CD48: variants seen among roughly 807,000 people sequenced by gnomAD.
The protein encoded by CD48 is CD48 antigen.
CD48 carries 20 observed loss-of-function variants against 22.0 expected under a neutral mutation model. The observed-to-expected ratio is 0.91, with a 90% CI of 0.64 to 1.32. The LOEUF (loss-of-function observed/expected upper bound fraction) is 1.32. Among genes scored for constraint, CD48 ranks in the 40% most tolerant of loss-of-function variants. The pLI is 0.00. For missense variants in CD48, 307 were observed against 286.5 expected (o/e 1.07, Z -0.52); for synonymous variants, 110 against 110.1 (o/e 1.00, Z 0.01).
intron 1 of CD48, among the ~76,000 whole-genome samples, chr1:160,709,487 C>T (rs868697985): frequency 6.6e-6 from 1 of 152,144 alleles, no homozygotes; most frequent in South Asian, 2.1e-4. Flanking sequence ...AGCATGGAAC[C>T]CAGATAGAAC....
chr1:160,688,217 C>T (rs1662071186), intron 1 of CD48, among the ~76,000 whole-genome samples: 1 of 152,140 alleles, frequency 6.6e-6, no homozygotes, highest in Admixed American at 6.5e-5. Flanking sequence ...AATGCCATTC[C>T]ATCAGTGGTG....
chr1:160,691,294 C>T (rs1662207778), intron 1 of CD48, among the ~76,000 whole-genome samples: 1 of 152,124 alleles, frequency 6.6e-6, no homozygotes, highest in Admixed American at 6.5e-5. Flanking sequence ...CCCGCCCATC[C>T]CTGGGCAATG....
At position 160,679,102 on chromosome 1, in the gene CD48, T is replaced by C. The variant is rs1661709330; in HGVS notation, c.682A>G (p.Ser228Gly). 6.2e-7 allele frequency: 1 copy of C among 1,614,018 alleles called. No homozygotes were observed. Among genetic ancestry groups the C allele is most frequent in the Non-Finnish European group, 8.5e-7 (1 of 1,180,018 alleles). The change falls in exon 4 of 4, where the codon AGT (serine) becomes GGT (glycine). Residue 228 changes from serine to glycine, a missense_variant. Coordinates refer to ENST00000368046, the MANE Select transcript of CD48 (RefSeq NM_001778.4). The stretch of plus-strand genomic sequence containing the variant: ...GTGGGCACCGTGACCACTAGCCAAC[T>C]TGCAATCCATTCTACTCCAAAGGAC... Reference protein sequence around the residue: ...ARSFGVEWIASWLVVTVPTIL... With the variant: ...ARSFGVEWIAGWLVVTVPTIL...
chr1:160,694,123 T>C (rs1180319789), intron 1 of CD48, among the ~76,000 whole-genome samples: 1 of 152,250 alleles, frequency 6.6e-6, no homozygotes, highest in Non-Finnish European at 1.5e-5. Flanking sequence ...ATTCAGACTA[T>C]AAAGGTGAAA....
intron 1 of CD48, among the ~76,000 whole-genome samples, chr1:160,694,839 G>A (rs12118377): frequency 0.28 from 42,236 of 149,444 alleles, 4,092 homozygotes; most frequent in Non-Finnish European, 0.36. Context: ...ATCAGTGGCC[G>A]CTACCAAAAC....
intron 1 of CD48, among the ~76,000 whole-genome samples, chr1:160,693,731 T>C (rs1662309746): frequency 7.0e-6 from 1 of 142,764 alleles, no homozygotes. Context: ...AAAGGGCTAG[T>C]CAATGTCGTT....
In CD48 at chr1:160,691,940, G is replaced by C. The variant is rs1662235499; in HGVS notation, c.83-6751C>G. 3 of 255,126 alleles carry C rather than the reference G, an allele frequency of 1.2e-5. No individual in the cohort carries two copies. The East Asian group carries it at 2.0e-4, about 17-fold the overall frequency. The allele number at this position is 255,126 out of a possible 1,614,324, so 15.8% of individuals were successfully genotyped here. ...AAAAGTAAATATGCCTCTTATCTTA[G>C]CTTCATTAAAATTCTTTTAAAAAGA... is the stretch of plus-strand genomic sequence containing the variant. On this transcript the variant is annotated intron_variant, in intron 1 of 3. Coordinates refer to ENST00000368046, the MANE Select transcript of CD48 (RefSeq NM_001778.4).
intron 1 of CD48, among the ~76,000 whole-genome samples, chr1:160,707,637 G>A (rs1280662614): frequency 1.3e-5 from 2 of 152,200 alleles, no homozygotes; most frequent in African/African-American, 4.8e-5. Flanking sequence ...GGAGGCACAT[G>A]CTTTGCTGAG....
chr1:160,680,447 T>C (rs1661751742), intron 3 of CD48: 1 of 350,196 alleles, frequency 2.9e-6, no homozygotes, highest in Non-Finnish European at 4.0e-6. Context: ...TTGTCCTTTA[T>C]TTAGGAAGAA....
chr1:160,686,950 A>G (rs1662025442), intron 1 of CD48, among the ~76,000 whole-genome samples: 1 of 152,204 alleles, frequency 6.6e-6, no homozygotes, highest in Non-Finnish European at 1.5e-5. Context: ...TTTGAGATCA[A>G]CCAGTCTGAC....
intron 1 of CD48, among the ~76,000 whole-genome samples, chr1:160,702,746 C>T (rs560008894): frequency 2.6e-5 from 4 of 152,252 alleles, no homozygotes; most frequent in African/African-American, 9.6e-5. Context: ...CACAGAATAG[C>T]TTTGTGGGTA....
chr1:160,710,446 A>G (rs1392306731), intron 1 of CD48, among the ~76,000 whole-genome samples: 4 of 152,196 alleles, frequency 2.6e-5, no homozygotes, highest in African/African-American at 9.7e-5. Context: ...AATATTATCC[A>G]TTCAAAGGAT....
At chr1:160,694,697 A>G (rs1434096875) in intron 1 of CD48, among the ~76,000 whole-genome samples, 3 of 152,176 alleles carry the variant, frequency 2.0e-5, no homozygotes, top group Admixed American at 2.0e-4. Flanking sequence ...TGAAGATGGC[A>G]TTAAAGTTCC....
At chr1:160,694,344 A>G (rs1662332858) in intron 1 of CD48, among the ~76,000 whole-genome samples, 2 of 152,158 alleles carry the variant, frequency 1.3e-5, no homozygotes, top group African/African-American at 2.4e-5. Context: ...ATTCAAGGAA[A>G]ACAGCTTGAA....
chr1:160,681,627 TG>T (rs1349311710), intron 2 of CD48, among the ~76,000 whole-genome samples, 159 bp from the exon 3 acceptor site: 2 of 152,180 alleles, frequency 1.3e-5, no homozygotes, highest in Non-Finnish European at 2.9e-5. Context: ...TGAGCAGCCT[TG>T]ACCTCCTGAG....
At chr1:160,682,799 G>A (rs1034893918) in intron 2 of CD48, among the ~76,000 whole-genome samples, 12 of 152,286 alleles carry the variant, frequency 7.9e-5, no homozygotes, top group Admixed American at 5.2e-4. Flanking sequence ...TACTGCTGCC[G>A]GAGAGAATGA....
At chr1:160,683,887 C>T (rs1661898097) in intron 2 of CD48, 1 of 152,056 alleles carries the variant, frequency 6.6e-6, no homozygotes, top group South Asian at 2.1e-4. Flanking sequence ...AATTGCATAC[C>T]CCAACCCCTG....
chr1:160,683,661 T>C (rs1661889323), intron 2 of CD48: 1 of 152,180 alleles, frequency 6.6e-6, no homozygotes, highest in Non-Finnish European at 1.5e-5. Context: ...TCTGACTGCT[T>C]GGATCAGGGA....
intron 1 of CD48, among the ~76,000 whole-genome samples, chr1:160,700,652 C>G (rs555081145): frequency 2.8e-4 from 42 of 152,182 alleles, no homozygotes; most frequent in Non-Finnish European, 5.7e-4. Context: ...AAAATCCTGG[C>G]GCTGTGGAGA....
Sources: allele counts gnomAD v4.1 joint callset (sites outside exome capture counted in the v4.1 genomes callset), GRCh38; gene constraint gnomAD v4.1.1; transcripts MANE v1.5; gene names NCBI Gene and HGNC (gene_info 2026-07-23, HGNC 2026-07-21).